The following CNTN4 variants were observed in gnomAD, a reference collection of about 807,000 sequenced individuals.
The protein encoded by CNTN4 is contactin-4.
Under a neutral mutation model 122.5 loss-of-function variants are expected in CNTN4, and 77 were observed. The ratio of observed to expected loss-of-function variants is 0.63; its 90% CI spans 0.52 to 0.76. CNTN4 has a LOEUF of 0.76. Ranked by LOEUF, CNTN4 falls within the 30% of genes least tolerant of loss-of-function variation. The pLI is 0.00. For synonymous variants in CNTN4, 512 were observed against 447.0 expected, an observed-to-expected ratio of 1.15 and a Z score of -1.83; for missense variants, 1,256 against 1,259.1, an observed-to-expected ratio of 1.00 and a Z score of 0.04.
intron 3 of CNTN4, among the ~76,000 whole-genome samples, chr3:2,432,696 C>T (rs1201499277): frequency 2.0e-5 from 3 of 151,594 alleles, no homozygotes; most frequent in Non-Finnish European, 4.4e-5. Context: ...ATATATACCA[C>T]ATTTTCTTTA....
At chr3:2,228,134 A>AT (rs2039354534) in intron 2 of CNTN4, among the ~76,000 whole-genome samples, 1 of 152,098 alleles carries the variant, frequency 6.6e-6, no homozygotes, top group Admixed American at 6.5e-5. Flanking sequence ...TCAAAAATAA[A>AT]TTGGCCAAAT....
intron 2 of CNTN4, among the ~76,000 whole-genome samples, chr3:2,182,941 A>C (rs1052318630): frequency 6.6e-6 from 1 of 152,046 alleles, no homozygotes; most frequent in African/African-American, 2.4e-5. Context: ...TGGTCTTCAC[A>C]AATACTGAAA....
chr3:3,004,375 A>G (rs933348397), intron 14 of CNTN4, among the ~76,000 whole-genome samples: 2 of 152,042 alleles, frequency 1.3e-5, no homozygotes, highest in African/African-American at 4.8e-5. Context: ...TAGTCCCCCC[A>G]TCAGTCTTCC....
chr3:2,233,130 C>G (rs549168048), intron 2 of CNTN4, among the ~76,000 whole-genome samples: 7 of 151,542 alleles, frequency 4.6e-5, no homozygotes, highest in Non-Finnish European at 7.4e-5. Flanking sequence ...GGGGGTCAGA[C>G]TGAACTGTCT....
chr3:3,054,504 T>A (rs957653106), intron 24 of CNTN4, among the ~76,000 whole-genome samples: 1 of 152,256 alleles, frequency 6.6e-6, no homozygotes, highest in African/African-American at 2.4e-5. Flanking sequence ...TGTTGTTGAA[T>A]AGCATGGGAG....
chr3:2,187,004 G>T (rs529275896), intron 2 of CNTN4, among the ~76,000 whole-genome samples: 1 of 152,174 alleles, frequency 6.6e-6, no homozygotes, highest in Non-Finnish European at 1.5e-5. Flanking sequence ...CCTTGCCCAT[G>T]CCTATGTCCT....
chr3:2,410,529 A>G (rs529311940), intron 3 of CNTN4, among the ~76,000 whole-genome samples: 15 of 152,196 alleles, frequency 9.9e-5, no homozygotes, highest in Non-Finnish European at 1.8e-4. Context: ...CTCAGAGGAT[A>G]TTTGAAGATA....
At chr3:2,575,803 C>CTTTTTTTTTTT (rs1559257279) in intron 4 of CNTN4, among the ~76,000 whole-genome samples, 1 of 103,300 alleles carries the variant, frequency 9.7e-6, no homozygotes. Flanking sequence ...TTGCTTTCTT[C>CTTTTTTTTTTT]TTCTTCTTTT....
chr3:2,144,317 A>C (rs2035142606), intron 2 of CNTN4: 1 of 152,242 alleles, frequency 6.6e-6, no homozygotes, highest in Admixed American at 6.5e-5. Context: ...CTTGTAGGTC[A>C]GTAAAACAAG....
chr3:2,642,844 C>G (rs2082952846), intron 4 of CNTN4, among the ~76,000 whole-genome samples: 1 of 152,116 alleles, frequency 6.6e-6, no homozygotes, highest in African/African-American at 2.4e-5. Context: ...CCTCAAGACC[C>G]AGGGGGCATA....
chr3:2,347,306 G>A (rs1239162146), intron 3 of CNTN4, among the ~76,000 whole-genome samples: 1 of 151,350 alleles, frequency 6.6e-6, no homozygotes, highest in Non-Finnish European at 1.5e-5. Flanking sequence ...ATCATAAACT[G>A]GCTCAGAAAG....
At chr3:2,771,954 A>G (rs1223225200) in intron 6 of CNTN4, among the ~76,000 whole-genome samples, 1 of 152,204 alleles carries the variant, frequency 6.6e-6, no homozygotes, top group African/African-American at 2.4e-5. Context: ...CGACAAGAAC[A>G]GCAAAGCCTG....
intron 10 of CNTN4, among the ~76,000 whole-genome samples, chr3:2,891,321 C>T (rs2094037500): frequency 6.6e-6 from 1 of 151,986 alleles, no homozygotes; most frequent in Non-Finnish European, 1.5e-5. Context: ...GTGGTGCATG[C>T]CGGTAGTCCC....
intron 6 of CNTN4, among the ~76,000 whole-genome samples, chr3:2,754,716 G>A (rs184744721): frequency 5.4e-5 from 8 of 148,838 alleles, no homozygotes; most frequent in Admixed American, 1.4e-4. Context: ...TATGAATAAA[G>A]TAACTCTTCT....
chr3:2,392,841 G>A (rs1167676389), intron 3 of CNTN4, among the ~76,000 whole-genome samples: 2 of 151,802 alleles, frequency 1.3e-5, no homozygotes, highest in African/African-American at 4.8e-5. Flanking sequence ...CCACAAACTG[G>A]GTGGCTTCAA....
intron 7 of CNTN4, among the ~76,000 whole-genome samples, chr3:2,835,141 G>A (rs190208290): frequency 3.2e-4 from 48 of 151,446 alleles, no homozygotes; most frequent in African/African-American, 1.0e-3. Context: ...TCCTGATCTC[G>A]CGATCCGCCC....
chr3:2,546,466 A>G (rs2078249801), intron 3 of CNTN4, among the ~76,000 whole-genome samples: 1 of 152,112 alleles, frequency 6.6e-6, no homozygotes, highest in Non-Finnish European at 1.5e-5. Context: ...GGACACAAAG[A>G]GGGGAAGAAT....
At chr3:2,793,453 G>C in intron 6 of CNTN4, among the ~76,000 whole-genome samples, 1 of 152,074 alleles carries the variant, frequency 6.6e-6, no homozygotes, top group Non-Finnish European at 1.5e-5. Flanking sequence ...ATGGAACAAA[G>C]AACTTTGAGT....
chr3:2,112,326 C>A (rs926774637), intron 2 of CNTN4, among the ~76,000 whole-genome samples: 4 of 152,094 alleles, frequency 2.6e-5, no homozygotes, highest in African/African-American at 9.7e-5. Flanking sequence ...AAGATTTACA[C>A]ATTTTTTATT....
Sources: gnomAD v4.1 joint callset for allele counts (sites outside exome capture counted in the v4.1 genomes callset) on GRCh38, gnomAD v4.1.1 for gene constraint, MANE v1.5 for transcripts, NCBI Gene and HGNC (gene_info 2026-07-23, HGNC 2026-07-21) for gene names.